Variants in SKA1 observed in about 807,000 individuals in gnomAD.
SKA1 encodes the protein spindle and kinetochore associated complex subunit 1.
A neutral mutation model predicts 31.8 loss-of-function variants in SKA1; 20 were observed. The observed-to-expected ratio is 0.63, with a 90% CI of 0.44 to 0.91. The LOEUF (loss-of-function observed/expected upper bound fraction) is 0.91. Ranked by LOEUF, SKA1 falls within the 40% of genes least tolerant of loss-of-function variation. The probability of loss-of-function intolerance (pLI) is 0.00; values close to 1 mark genes in which losing one functional copy is unlikely to be tolerated. For synonymous variants in SKA1, 88 were observed against 100.5 expected (o/e 0.88, Z 0.74); for missense variants, 253 against 298.2 (o/e 0.85, Z 1.12).
Position 50,390,192 on chromosome 18 carries a change from AAG to A in SKA1, c.450-927_450-926del, listed in dbSNP as rs529386455. On this transcript the variant is annotated intron_variant, in intron 5 of 6. Coordinates refer to ENST00000285116, the MANE Select transcript of SKA1 (RefSeq NM_145060.4). ...CAGGACAGCAAAAATGAATTTAGAAAAGAGAGGAATAATGAAAATGAGTGTTT... is the reference window on the plus strand; with the variant it reads ...CAGGACAGCAAAAATGAATTTAGAAAAGAGGAATAATGAAAATGAGTGTTT... Among the ~76,000 whole-genome samples, 76 of 152,342 alleles carry A rather than the reference AAG, an allele frequency of 5.0e-4. No homozygotes were observed. The South Asian group carries it at 0.016, about 31-fold the overall frequency.
intron 5 of SKA1, among the ~76,000 whole-genome samples, chr18:50,389,080 G>A (rs2041334240): frequency 6.6e-6 from 1 of 152,136 alleles, no homozygotes; most frequent in Admixed American, 6.5e-5. Flanking sequence ...TCAATTCTCT[G>A]AAAAGAGTTA....
intron 6 of SKA1, among the ~76,000 whole-genome samples, chr18:50,391,818 A>C (rs2041359583): frequency 2.0e-5 from 3 of 152,192 alleles, no homozygotes; most frequent in Non-Finnish European, 2.9e-5. Context: ...TTAAATGATA[A>C]CACTGTTACG....
chr18:50,375,671 T>A, intron 1 of SKA1, 149 bp from the exon 2 acceptor site: 1 of 596,576 alleles, frequency 1.7e-6, no homozygotes, highest in Non-Finnish European at 2.9e-6. Flanking sequence ...CTGAATGTTG[T>A]AGAAATGAAA....
At chr18:50,376,429 G>A (rs1265195998) in intron 2 of SKA1, among the ~76,000 whole-genome samples, 3 of 152,180 alleles carry the variant, frequency 2.0e-5, no homozygotes, top group Admixed American at 2.0e-4. Flanking sequence ...TTAGGCAAGT[G>A]TAACACAATG....
At chr18:50,379,836 G>A (rs2041249531) in intron 2 of SKA1, among the ~76,000 whole-genome samples, 1 of 152,162 alleles carries the variant, frequency 6.6e-6, no homozygotes, top group Non-Finnish European at 1.5e-5. Flanking sequence ...GGACGTAGAA[G>A]GATGCTTGTT....
chr18:50,379,837 G>C (rs2041249552), intron 2 of SKA1, among the ~76,000 whole-genome samples: 1 of 152,188 alleles, frequency 6.6e-6, no homozygotes, highest in South Asian at 2.1e-4. Context: ...GACGTAGAAG[G>C]ATGCTTGTTT....
chr18:50,391,145 C>G lies in SKA1; in HGVS notation c.471C>G (p.Thr157=). 2 of 1,560,668 alleles carry G rather than the reference C, an allele frequency of 1.3e-6. No homozygotes were observed. The highest frequency in any genetic ancestry group is 2.3e-5 in the East Asian group (1 of 43,498). The change falls in exon 6 of 7, where the codon ACC becomes ACG. Residue 157 remains threonine, a synonymous_variant. Transcript: ENST00000285116. The part of the protein sequence containing the change: ...GVPSYMKSRL[T]YNQINDVIKE... ...ACAGGTACATGAAATCCCGCTTAACCTATAATCAAATTAATGATGTTATTA... is the reference window on the plus strand; with the variant it reads ...ACAGGTACATGAAATCCCGCTTAACGTATAATCAAATTAATGATGTTATTA...
At chr18:50,388,233 GCC>G (rs1555718002) in intron 5 of SKA1, among the ~76,000 whole-genome samples, 1 of 152,078 alleles carries the variant, frequency 6.6e-6, no homozygotes, top group Non-Finnish European at 1.5e-5. Flanking sequence ...GACTACAGGC[GCC>G]CGCCGCCACC....
chr18:50,378,254 G>A (rs1052879465), intron 2 of SKA1, among the ~76,000 whole-genome samples: 1 of 152,172 alleles, frequency 6.6e-6, no homozygotes, highest in African/African-American at 2.4e-5. Flanking sequence ...GAAGCAGTCA[G>A]ACCCATGAGA....
intron 5 of SKA1, among the ~76,000 whole-genome samples, chr18:50,390,542 T>A (rs1770995806): frequency 1.3e-5 from 2 of 152,210 alleles, no homozygotes; most frequent in South Asian, 4.1e-4. Flanking sequence ...ATAGAAAACA[T>A]CATGGCTATG....
intron 3 of SKA1, among the ~76,000 whole-genome samples, chr18:50,381,248 A>G (rs2041259862): frequency 6.6e-6 from 1 of 152,204 alleles, no homozygotes; most frequent in Non-Finnish European, 1.5e-5. Flanking sequence ...CCTTATTAAA[A>G]TGTGTATGAG....
rs928144044 is a variant in SKA1, at chr18:50,380,162, T to G, written c.125T>G (p.Ile42Arg). ...ACCTTGAAAACTGTATTAAATAAAA[T>G]AGGAGATGAGATCATTGTAATAAAT... ...EPTLKTVLNK[I>R]GDEIIVINEL... Residue 42 changes from isoleucine (I) to arginine (R), a missense_variant, in exon 3 of 7, where the codon ATA becomes AGA. Coordinates refer to ENST00000285116, the MANE Select transcript of SKA1 (RefSeq NM_145060.4). 1.9e-6 allele frequency: 3 copies of G among 1,553,402 alleles called. No individual in the cohort carries two copies. The African/African-American group carries it at 4.3e-5, about 22-fold the overall frequency.
chr18:50,385,151 A>T, intron 4 of SKA1, 65 bp from the exon 5 acceptor site: 1 of 1,340,914 alleles, frequency 7.5e-7, no homozygotes, highest in Non-Finnish European at 1.0e-6. Context: ...TTCAGTTGGG[A>T]AAACTGTCAG....
In SKA1 at chr18:50,391,121, C is replaced by A; in HGVS notation, c.450-3C>A. 1 of 1,492,374 alleles carries A rather than the reference C, an allele frequency of 6.7e-7. No individual in the cohort carries two copies. The highest frequency in any genetic ancestry group is 9.0e-7 in the Non-Finnish European group (1 of 1,112,228). 92.4% of individuals were successfully genotyped at this position (1,492,374 alleles called of 1,614,324 possible). On this transcript the variant is annotated splice_region_variant and splice_polypyrimidine_tract_variant and intron_variant, in intron 5 of 6. Coordinates refer to ENST00000285116, the MANE Select transcript of SKA1 (RefSeq NM_145060.4). ...CAATAATTAGCCATATACTTTTTTA[C>A]AGGTACATGAAATCCCGCTTAACCT...
chr18:50,385,654 A>G (rs74350199), intron 5 of SKA1, among the ~76,000 whole-genome samples: 1,865 of 152,268 alleles, frequency 0.012, 40 homozygotes, highest in East Asian at 0.084. Context: ...ATTTTAAGGA[A>G]ATCGAGTGTG....
At position 50,392,700 on chromosome 18, in the gene SKA1, T is replaced by C. The variant is rs2041368430; in HGVS notation, c.*453T>C. ...TGTTTCTTATAAAAATAAAACTTTT[T>C]TGGATAAAGCTTATTTCTTGTTTTT... On this transcript the variant is annotated 3_prime_UTR_variant, in exon 7 of 7. Coordinates refer to ENST00000285116, the MANE Select transcript of SKA1 (RefSeq NM_145060.4). 6.6e-6 allele frequency: 1 copy of C among 150,542 alleles called. No homozygotes were observed. Among genetic ancestry groups the C allele is most frequent in the Admixed American group, 6.6e-5 (1 of 15,040 alleles). 9.3% of individuals were successfully genotyped at this position (150,542 alleles called of 1,614,324 possible). A position where few individuals can be genotyped will look rare whatever the true frequency, so the allele number is the denominator to read the frequency against.
At chr18:50,391,382 A>T in intron 6 of SKA1, 89 bp downstream of exon 6, 1 of 1,215,122 alleles carries the variant, frequency 8.2e-7, no homozygotes. Context: ...GAAAATTCTA[A>T]ATCTAGAGTG....
intron 5 of SKA1, among the ~76,000 whole-genome samples, chr18:50,389,491 G>C (rs1230089680): frequency 1.3e-5 from 2 of 150,204 alleles, no homozygotes; most frequent in African/African-American, 4.9e-5. Context: ...TGCCTCCTGG[G>C]CTCAAGCAAT....
chr18:50,383,823 C>A (rs770962953), intron 4 of SKA1, among the ~76,000 whole-genome samples: 2 of 152,212 alleles, frequency 1.3e-5, no homozygotes, highest in Non-Finnish European at 2.9e-5. Flanking sequence ...ATGGTCAAGA[C>A]AAACAAGTAC....
Sources: gnomAD v4.1 joint callset for allele counts (sites outside exome capture counted in the v4.1 genomes callset) on GRCh38, gnomAD v4.1.1 for gene constraint, MANE v1.5 for transcripts, NCBI Gene and HGNC (gene_info 2026-07-23, HGNC 2026-07-21) for gene names.